The following MUC20 variants were observed in gnomAD, a reference collection of about 807,000 sequenced individuals.
MUC20 encodes the protein mucin 20, cell surface associated.
A neutral mutation model predicts 23.8 loss-of-function variants in MUC20; 14 were observed. The ratio of observed to expected loss-of-function variants is 0.59; its 90% CI spans 0.39 to 0.92. The LOEUF (loss-of-function observed/expected upper bound fraction) is 0.92, where lower values mean the gene tolerates loss of function less well. MUC20 is among the 40% of genes least tolerant of loss of function. MUC20 has a pLI of 0.00. For synonymous variants in MUC20, 166 were observed against 279.3 expected, an observed-to-expected ratio of 0.59 and a Z score of 4.04; for missense variants, 375 against 668.8, an observed-to-expected ratio of 0.56 and a Z score of 4.85.
intron 3 of MUC20, among the ~76,000 whole-genome samples, chr3:195,730,325 C>CTTT (rs1467455608): frequency 2.2e-3 from 333 of 152,188 alleles, no homozygotes; most frequent in Middle Eastern, 0.01. Flanking sequence ...CCCACATTTT[C>CTTT]TTTTCTTTTT....
chr3:195,729,490 G>T (rs1322857103), intron 2 of MUC20, 158 bp from the exon 3 acceptor site: 9 of 704,488 alleles, frequency 1.3e-5, no homozygotes, highest in Non-Finnish European at 1.9e-5. Context: ...CTCATTTTGT[G>T]TTTTTAGTAA....
intron 3 of MUC20, among the ~76,000 whole-genome samples, chr3:195,731,909 A>G (rs1420007462): frequency 1.3e-5 from 2 of 152,240 alleles, no homozygotes; most frequent in African/African-American, 4.8e-5. Flanking sequence ...ATAAGTGACA[A>G]ATGCCCCCGG....
Position 195,729,719 on chromosome 3 carries a change from G to A in MUC20, c.2041G>A (p.Ala681Thr), listed in dbSNP as rs757991932. 5 of 1,597,630 alleles carry A rather than the reference G, an allele frequency of 3.1e-6. No homozygotes were observed. The highest frequency in any genetic ancestry group is 2.3e-5 in the South Asian group (2 of 88,256). Residue 681 changes from alanine to threonine, a missense_variant, in exon 3 of 4, where the codon GCA becomes ACA. Ala to Thr is a moderately conservative substitution (Grantham distance 58, BLOSUM62 0). Coordinates refer to ENST00000447234, the MANE Select transcript of MUC20 (RefSeq NM_001282506.2). ...GGAAGACCTCACTGACCCCAGAGTG[G>A]CAGAAAGGCTGATGCAGCAGGTGAG... ...SPEDLTDPRVAERLMQQLHRE... is the reference protein window; with the variant it reads ...SPEDLTDPRVTERLMQQLHRE...
intron 2 of MUC20, among the ~76,000 whole-genome samples, chr3:195,727,758 CAT>C (rs1184208252): frequency 6.6e-6 from 1 of 152,092 alleles, no homozygotes; most frequent in African/African-American, 2.4e-5. Context: ...ACCAGCTTTG[CAT>C]ATGTTATCTG....
rs550549506 is a variant in MUC20, at chr3:195,726,529, G to T, written c.1926G>T (p.Thr642=). ...CCACGATGAAGCCCCCAACAGCCAC[G>T]CCCACGACTGCCCGGACGAGGCCGA... is the stretch of plus-strand genomic sequence containing the variant. ...AKTTMKPPTA[T]PTTARTRPTT... is the part of the protein sequence containing the mutation. Residue 642 remains threonine (T), a synonymous_variant, in exon 2 of 4, where the codon ACG becomes ACT. Coordinates refer to ENST00000447234, the MANE Select transcript of MUC20 (RefSeq NM_001282506.2). The T allele has an allele frequency of 6.8e-6, 11 of 1,613,972 alleles. No individual in the cohort carries two copies. In the East Asian group the frequency reaches 1.6e-4, roughly 23 times the overall value.
Position 195,726,458 on chromosome 3 carries a change from C to A in MUC20, c.1855C>A (p.Arg619=), listed in dbSNP as rs73203946. Residue 619 remains arginine (R), a synonymous_variant, in exon 2 of 4, where the codon CGA becomes AGA. Coordinates refer to ENST00000447234, the MANE Select transcript of MUC20 (RefSeq NM_001282506.2). ...CCCTCCGACTACAACCAACAGCAGC[C>A]GAGGGACGAACAGCACCTTAGCCAA... ...SVPPTTTNSS[R]GTNSTLAKIT... The A allele has an allele frequency of 0.039, 60,498 of 1,554,496 alleles. No individual in the cohort carries two copies. Among genetic ancestry groups the A allele is most frequent in the Middle Eastern group, 0.07 (404 of 5,804 alleles).
chr3:195,727,034 G>A (rs1223504433), intron 2 of MUC20, among the ~76,000 whole-genome samples: 4 of 152,296 alleles, frequency 2.6e-5, no homozygotes, highest in Non-Finnish European at 5.9e-5. Context: ...TCTCTGACAG[G>A]CTGGGACCCC....
intron 1 of MUC20, chr3:195,722,789 T>C (rs1712272708): frequency 1.0e-6 from 1 of 986,402 alleles, no homozygotes; most frequent in Non-Finnish European, 1.2e-6. Context: ...GAAACTGTAT[T>C]ATGAAGGCAG....
intron 2 of MUC20, chr3:195,729,314 CTTTTTTTT>C (rs10575022): frequency 5.3e-5 from 9 of 171,314 alleles, no homozygotes; most frequent in African/African-American, 1.4e-4. Flanking sequence ...TCATCCTCCT[CTTTTTTTT>C]TTTTTTTTTT....
Position 195,729,666 on chromosome 3 carries a change from T to G in MUC20, c.1988T>G (p.Leu663Arg). The G allele has an allele frequency of 2.5e-6, 4 of 1,588,224 alleles. No homozygotes were observed. Among genetic ancestry groups the G allele is most frequent in the Non-Finnish European group, 3.4e-6 (4 of 1,166,048 alleles). The change falls in exon 3 of 4, where the codon CTC becomes CGC. Residue 663 changes from leucine to arginine, a missense_variant. Leu to Arg is a moderately radical substitution (Grantham distance 102). This residue lies in a region of MUC20 where 343 missense variants were observed against 340.2 expected (regional missense o/e 1.01). Coordinates refer to ENST00000447234, the MANE Select transcript of MUC20 (RefSeq NM_001282506.2). The stretch of plus-strand genomic sequence containing the variant: ...TTTGCAGGTGAAAATGGAGGTTTCC[T>G]CCTCCTGCGGCTGAGTGTGGCTTCC... ...DVSAGENGGF[L>R]LLRLSVASPE...
intron 3 of MUC20, among the ~76,000 whole-genome samples, chr3:195,731,674 T>A (rs1713399776): frequency 6.6e-6 from 1 of 152,268 alleles, no homozygotes; most frequent in African/African-American, 2.4e-5. Context: ...CGCTGCCTTT[T>A]TGTCTCACTG....
chr3:195,729,979 T>C, intron 3 of MUC20: 1 of 552,444 alleles, frequency 1.8e-6, no homozygotes, highest in South Asian at 2.4e-5. Flanking sequence ...GCCCCCAGTT[T>C]CTTCTGGTCC....
intron 3 of MUC20, among the ~76,000 whole-genome samples, chr3:195,730,520 G>GT (rs72121428): frequency 0.045 from 6,620 of 147,672 alleles, 133 homozygotes; most frequent in African/African-American, 0.15. Flanking sequence ...TAATTTTTAT[G>GT]TTTTTTTTTT....
At position 195,726,498 on chromosome 3, in the gene MUC20, C is replaced by T. The variant is rs376682710; in HGVS notation, c.1895C>T (p.Ala632Val). 1.2e-5 allele frequency: 19 copies of T among 1,613,954 alleles called. No homozygotes were observed. The highest frequency in any genetic ancestry group is 3.3e-5 in the South Asian group (3 of 91,094). The part of the protein sequence containing the change: ...NSTLAKITTS[A>V]KTTMKPPTAT... ...ACCTTAGCCAAGATCACAACCTCAG[C>T]GAAGACCACGATGAAGCCCCCAACA... is the stretch of plus-strand genomic sequence containing the variant. Residue 632 changes from alanine to valine, a missense_variant, in exon 2 of 4, where the codon GCG (alanine) becomes GTG (valine). Transcript: ENST00000447234.
chr3:195,726,862 C>T (rs1268307173), intron 2 of MUC20, among the ~76,000 whole-genome samples: 2 of 152,280 alleles, frequency 1.3e-5, no homozygotes, highest in Non-Finnish European at 2.9e-5. Flanking sequence ...CTCTCTGGGC[C>T]TCAGTTTCTC....
At position 195,733,360 on chromosome 3, in the gene MUC20, C is replaced by T; in HGVS notation, c.*142C>T. On this transcript the variant is annotated 3_prime_UTR_variant, in exon 4 of 4. Transcript: ENST00000447234. ...TCCCATGAAGGGCAGCATGTCCAAG[C>T]CCCTGACCCCAGATGTGGCAACAGG... is the stretch of plus-strand genomic sequence containing the variant. 6.7e-7 allele frequency: 1 copy of T among 1,493,182 alleles called. No homozygotes were observed. The highest frequency in any genetic ancestry group is 8.9e-7 in the Non-Finnish European group (1 of 1,119,406). 92.5% of individuals were successfully genotyped at this position (1,493,182 alleles called of 1,614,324 possible). A position where few individuals can be genotyped will look rare whatever the true frequency, so the allele number is the denominator to read the frequency against.
chr3:195,727,992 T>C (rs1712889254), intron 2 of MUC20, among the ~76,000 whole-genome samples: 1 of 152,268 alleles, frequency 6.6e-6, no homozygotes, highest in Non-Finnish European at 1.5e-5. Context: ...TGCCACCAGC[T>C]TTGCATATGT....
chr3:195,728,349 T>C (rs920283844), intron 2 of MUC20, among the ~76,000 whole-genome samples: 2 of 152,278 alleles, frequency 1.3e-5, no homozygotes, highest in African/African-American at 2.4e-5. Context: ...AAGGAGAAGG[T>C]CAGCAAGAAA....
At chr3:195,731,948 A>G (rs1207221839) in intron 3 of MUC20, among the ~76,000 whole-genome samples, 1 of 151,548 alleles carries the variant, frequency 6.6e-6, no homozygotes, top group African/African-American at 2.4e-5. Context: ...GCGAGTGTGA[A>G]TCCTTGTGGG....
Sources: allele counts gnomAD v4.1 joint callset (sites outside exome capture counted in the v4.1 genomes callset), GRCh38; gene constraint gnomAD v4.1.1; regional missense constraint gnomAD v4.1.1; transcripts MANE v1.5; gene names NCBI Gene and HGNC (gene_info 2026-07-23, HGNC 2026-07-21).